DGKZ: variants seen among roughly 807,000 people sequenced by gnomAD.
The protein encoded by DGKZ is DAG kinase zeta.
Under a neutral mutation model 142.5 loss-of-function variants are expected in DGKZ, and 45 were observed. The ratio of observed to expected loss-of-function variants is 0.32; its 90% confidence interval spans 0.25 to 0.40. The LOEUF (loss-of-function observed/expected upper bound fraction) is 0.40. DGKZ is among the 10% of genes least tolerant of loss of function. The pLI is 1.00. For missense variants in DGKZ, 755 were observed against 1,306.5 expected, an observed-to-expected ratio of 0.58 and a Z score of 6.51; for synonymous variants, 442 against 527.0, an observed-to-expected ratio of 0.84 and a Z score of 2.21.
chr11:46,357,025 T>C (rs1006590556), intron 1 of DGKZ, among the ~76,000 whole-genome samples: 2 of 152,060 alleles, frequency 1.3e-5, no homozygotes, highest in Non-Finnish European at 2.9e-5. Flanking sequence ...GTAGAGTCAG[T>C]AAAAGGTGAT....
intron 1 of DGKZ, chr11:46,364,233 A>G: frequency 1.6e-6 from 1 of 624,948 alleles, no homozygotes; most frequent in Non-Finnish European, 2.6e-6. Context: ...CTTGCCGTGG[A>G]CTCTAGGCGG....
At chr11:46,378,816 A>T in intron 27 of DGKZ, 175 bp from the exon 28 acceptor site, 1 of 1,112,222 alleles carries the variant, frequency 9.0e-7, no homozygotes. Flanking sequence ...GTGGGGTGAG[A>T]GGCCCCTCCT....
In DGKZ at chr11:46,367,535, C is replaced by A; in HGVS notation, c.271-117C>A. ...GGACAGTGGGGCAGACGGAACAGAG[C>A]AGGGTCGATCGGGGCGCTGGAGTGG... is the stretch of plus-strand genomic sequence containing the variant. On this transcript the variant is annotated intron_variant, in intron 2 of 30. Coordinates refer to ENST00000527911, the Ensembl canonical transcript of DGKZ. The surrounding 1 kb of genome is among the most constrained non-coding windows in gnomAD (Gnocchi z 4.1). 2.0e-6 allele frequency: 2 copies of A among 1,000,442 alleles called. No homozygotes were observed. Among genetic ancestry groups the A allele is most frequent in the Middle Eastern group, 3.7e-4 (1 of 2,736 alleles). 62.0% of individuals were successfully genotyped at this position (1,000,442 alleles called of 1,614,324 possible).
upstream of DGKZ, chr11:46,345,687 A>T: frequency 1.7e-6 from 2 of 1,198,948 alleles, no homozygotes; most frequent in Non-Finnish European, 2.3e-6. This position sits in a 1 kb window ranked among gnomAD's most constrained non-coding sequence, Gnocchi z 4.1. Context: ...CCCATCTGTC[A>T]TCCAGCACTC....
At chr11:46,345,534 G>A (rs538866346), upstream of DGKZ, 101 of 1,524,970 alleles carry the variant, frequency 6.6e-5, no homozygotes, top group East Asian at 2.0e-3. This position sits in a 1 kb window ranked among gnomAD's most constrained non-coding sequence, Gnocchi z 4.1. Flanking sequence ...CAGATGTGGC[G>A]CTACCGCTCC....
Position 46,372,906 on chromosome 11 carries a change from G to A in DGKZ, c.1185+22G>A, listed in dbSNP as rs770879090. The A allele has an allele frequency of 6.4e-6, 10 of 1,561,372 alleles. No individual in the cohort carries two copies. The East Asian group carries it at 1.4e-4, about 23-fold the overall frequency. On this transcript the variant is annotated intron_variant, in intron 13 of 30. Coordinates refer to ENST00000527911, the Ensembl canonical transcript of DGKZ. This position sits in a 1 kb window ranked among gnomAD's most constrained non-coding sequence, Gnocchi z 5.9. ...TGGGGTAAGCACCCATAGGAGGGGG[G>A]TGCAGCTGGGGCCTCTCCAGCCACA... is the stretch of plus-strand genomic sequence containing the variant.
chr11:46,353,504 G>A (rs546937820), intron 1 of DGKZ, among the ~76,000 whole-genome samples: 5 of 152,290 alleles, frequency 3.3e-5, no homozygotes, highest in Non-Finnish European at 7.4e-5. Context: ...AGAGACCCTT[G>A]GTAAAGAGAC....
upstream of DGKZ, chr11:46,345,731 G>A: frequency 1.2e-6 from 1 of 836,700 alleles, no homozygotes; most frequent in Non-Finnish European, 1.7e-6. This position sits in a 1 kb window ranked among gnomAD's most constrained non-coding sequence, Gnocchi z 4.1. Context: ...AGGAGTTATT[G>A]GCAGGGTGCA....
intron 1 of DGKZ, among the ~76,000 whole-genome samples, chr11:46,354,548 T>C (rs765319840): frequency 6.6e-5 from 10 of 152,210 alleles, no homozygotes; most frequent in Admixed American, 2.0e-4. Context: ...ACATTAAATA[T>C]CTTGGCGTTA....
chr11:46,368,553 AG>A (rs1185045523), intron 4 of DGKZ: 3 of 302,162 alleles, frequency 9.9e-6, no homozygotes, highest in Non-Finnish European at 2.0e-5. Flanking sequence ...GGTCAAGGCC[AG>A]GGGCAGAAGG....
rs141209353 is a variant in DGKZ at position 46,354,761 on chromosome 11, T to C, written c.161+6941T>C. On this transcript the variant is annotated intron_variant, in intron 1 of 30. Coordinates refer to ENST00000527911, the Ensembl canonical transcript of DGKZ. ...GGTATTCATGCCTAGCAACATACAG[T>C]GCTGTTTCGTATGATTTTACTCTGG... Among the ~76,000 whole-genome samples, 16 of 152,376 alleles carry C rather than the reference T, an allele frequency of 1.1e-4. No homozygotes were observed. In the East Asian group the frequency reaches 1.9e-3, roughly 18 times the overall value.
rs553787430 is a variant in DGKZ, at chr11:46,334,539, C to T, written c.212+1052C>T. ...TGGGAGCTTGAAAGGCCTCAGTATT[C>T]TTAATGGCTCTGGGGCCATCAGGGC... On this transcript the variant is annotated intron_variant, in intron 1 of 30. Coordinates refer to the DGKZ transcript ENST00000343674. Among the ~76,000 whole-genome samples the T allele has an allele frequency of 4.6e-5, 7 of 152,320 alleles. No individual in the cohort carries two copies. The South Asian group carries it at 1.2e-3, about 27-fold the overall frequency.
intron 29 of DGKZ, 40 bp downstream of exon 29, chr11:46,379,276 A>C (rs1055134531): frequency 1.2e-6 from 2 of 1,611,966 alleles, no homozygotes; most frequent in African/African-American, 1.3e-5. Flanking sequence ...TCACCCCGGA[A>C]ACCACCCTTT....
chr11:46,366,829 G>A (rs1485476069), intron 1 of DGKZ: 5 of 1,545,154 alleles, frequency 3.2e-6, no homozygotes, highest in Admixed American at 1.9e-5. Flanking sequence ...GCCAGCGGCG[G>A]CCCTCAGGCC....
At chr11:46,365,516 G>A (rs1271592426) in intron 1 of DGKZ, 1 of 985,278 alleles carries the variant, frequency 1.0e-6, no homozygotes, top group Non-Finnish European at 1.2e-6. Context: ...AGACTGAGCA[G>A]CCTCTCTCCC....
chr11:46,372,694 G>C lies in DGKZ; in HGVS notation c.1071+17G>C. ...GACGGCACGGTGAGCTCCCCGCATGGGCCAGCCGAGCACCAGGGCTGGGCC... is the reference window on the plus strand; with the variant it reads ...GACGGCACGGTGAGCTCCCCGCATGCGCCAGCCGAGCACCAGGGCTGGGCC... On this transcript the variant is annotated intron_variant, in intron 12 of 30. Transcript: ENST00000527911. The surrounding 1 kb of genome is among the most constrained non-coding windows in gnomAD (Gnocchi z 5.9). 6.2e-7 allele frequency: 1 copy of C among 1,612,788 alleles called. No individual in the cohort carries two copies. The highest frequency in any genetic ancestry group is 8.5e-7 in the Non-Finnish European group (1 of 1,179,718).
chr11:46,374,476 G>C (rs755081851), intron 16 of DGKZ, 22 bp downstream of exon 16: 4 of 1,613,850 alleles, frequency 2.5e-6, no homozygotes, highest in Non-Finnish European at 3.4e-6. Flanking sequence ...CTGCACCCCC[G>C]CCTGTGCCCA....
chr11:46,357,194 C>T (rs1942126920), intron 1 of DGKZ, among the ~76,000 whole-genome samples: 4 of 152,142 alleles, frequency 2.6e-5, no homozygotes, highest in Non-Finnish European at 5.9e-5. Flanking sequence ...GGGTATTTCA[C>T]CAAGGAGCTC....
At position 46,368,954 on chromosome 11, in the gene DGKZ, C is replaced by G. The variant is rs11038877; in HGVS notation, c.445-540C>G. 2.8e-5 allele frequency: 5 copies of G among 176,860 alleles called. No homozygotes were observed. The East Asian group carries it at 8.5e-4, about 30-fold the overall frequency. 11.0% of individuals were successfully genotyped at this position (176,860 alleles called of 1,614,324 possible). A position where few individuals can be genotyped will look rare whatever the true frequency, so the allele number is the denominator to read the frequency against. On this transcript the variant is annotated intron_variant, in intron 4 of 30. Transcript: ENST00000527911. ...AGTGCGGTGGCTCATGCCTGTAATC[C>G]CAGCACTTTGGGAGGCCGAGGTAGG...
Sources: gnomAD v4.1 joint callset for allele counts (sites outside exome capture counted in the v4.1 genomes callset) on GRCh38, gnomAD v4.1.1 for gene constraint, Gnocchi (gnomAD v3.1) non-coding constraint, MANE v1.5 for transcripts, NCBI Gene and HGNC (gene_info 2026-07-23, HGNC 2026-07-21) for gene names.